The following TUT4 variants were observed in gnomAD, a reference collection of about 807,000 sequenced individuals.
TUT4 encodes terminal uridylyl transferase 4.
TUT4 carries 36 observed loss-of-function variants against 192.2 expected under a neutral mutation model. The observed-to-expected ratio is 0.19, with a 90% CI of 0.14 to 0.25. The LOEUF is 0.25. TUT4 is among the 10% of genes least tolerant of loss of function. TUT4 has a pLI of 1.00. For synonymous variants in TUT4, 618 were observed against 666.0 expected, an observed-to-expected ratio of 0.93 and a Z score of 1.11; for missense variants, 1,493 against 1,957.2, an observed-to-expected ratio of 0.76 and a Z score of 4.47.
At chr1:52,491,664 G>C (rs1040249307) in intron 7 of TUT4, among the ~76,000 whole-genome samples, 2 of 152,130 alleles carry the variant, frequency 1.3e-5, no homozygotes, top group African/African-American at 4.8e-5. Context: ...TCCCACTTCA[G>C]CCTGAGCGAG....
chr1:52,524,937 A>G (rs1321803630), intron 2 of TUT4, among the ~76,000 whole-genome samples: 2 of 152,202 alleles, frequency 1.3e-5, no homozygotes, highest in Non-Finnish European at 2.9e-5. Flanking sequence ...GCCGTTCTCA[A>G]CCTCAACTTT....
chr1:52,442,116 T>G (rs1428701422), intron 24 of TUT4, among the ~76,000 whole-genome samples: 1 of 144,774 alleles, frequency 6.9e-6, no homozygotes, highest in Admixed American at 6.8e-5. Context: ...TGCAGTGAGT[T>G]TTGATGGCAC....
chr1:52,439,068 T>TAAA (rs984014427), intron 24 of TUT4, among the ~76,000 whole-genome samples: 48 of 79,312 alleles, frequency 6.1e-4, no homozygotes, highest in African/African-American at 1.6e-3. Flanking sequence ...AGACTCCATC[T>TAAA]AAAAAAAAAA....
At chr1:52,462,716 A>G in intron 16 of TUT4, 1 of 983,876 alleles carries the variant, frequency 1.0e-6, no homozygotes, top group Non-Finnish European at 1.2e-6. Context: ...ATGGAAAAGA[A>G]AGATACTCCT....
intron 7 of TUT4, among the ~76,000 whole-genome samples, chr1:52,491,667 TGAGC>T (rs1167106265): frequency 6.6e-6 from 1 of 152,116 alleles, no homozygotes; most frequent in African/African-American, 2.4e-5. Flanking sequence ...CACTTCAGCC[TGAGC>T]GAGACTCCAT....
chr1:52,525,070 T>C (rs1298827653), intron 2 of TUT4, among the ~76,000 whole-genome samples: 1 of 152,260 alleles, frequency 6.6e-6, no homozygotes, highest in Non-Finnish European at 1.5e-5. Context: ...ATTAAGTTTT[T>C]GGCACTGAAA....
At chr1:52,542,009 C>G (rs927895612) in intron 1 of TUT4, among the ~76,000 whole-genome samples, 1 of 152,180 alleles carries the variant, frequency 6.6e-6, no homozygotes, top group African/African-American at 2.4e-5. Flanking sequence ...AACTACTACT[C>G]TGCCTTAAAA....
rs1349281712 is a variant in TUT4 at position 52,525,594 on chromosome 1, A to C, written c.687T>G (p.Ala229=). The change falls in exon 2 of 30, where the codon GCT becomes GCG. Residue 229 remains alanine (A), a synonymous_variant. Transcript: ENST00000257177. The stretch of plus-strand genomic sequence containing the variant: ...CGTCCGATACGTCTTCAATTCCTGA[A>C]GCACTATCATCAGAATCACCAGTAT... ...TDNTGDSDDS[A]SGIEDVSDDL... 2 of 1,610,998 alleles carry C rather than the reference A, an allele frequency of 1.2e-6. No individual in the cohort carries two copies. The highest frequency in any genetic ancestry group is 1.7e-6 in the Non-Finnish European group (2 of 1,178,674).
intron 13 of TUT4, among the ~76,000 whole-genome samples, chr1:52,473,879 T>C (rs1666422501): frequency 6.6e-6 from 1 of 152,192 alleles, no homozygotes; most frequent in Non-Finnish European, 1.5e-5. Context: ...GGTTTTTTCC[T>C]ATGATTTTAA....
chr1:52,424,111 G>A, intron 29 of TUT4, 109 bp from the exon 30 acceptor site: 1 of 1,124,196 alleles, frequency 8.9e-7, no homozygotes, highest in Non-Finnish European at 1.3e-6. Context: ...TATATAATAG[G>A]AGGTGATAAA....
At chr1:52,437,015 TAA>T in intron 25 of TUT4, 37 bp from the exon 26 acceptor site, 6 of 1,601,716 alleles carry the variant, frequency 3.7e-6, no homozygotes, top group Non-Finnish European at 4.3e-6. Context: ...ACTTGTAAAT[TAA>T]GTGAGTCACA....
intron 20 of TUT4, among the ~76,000 whole-genome samples, chr1:52,453,503 G>A (rs1386631595): frequency 6.7e-6 from 1 of 150,086 alleles, no homozygotes; most frequent in Non-Finnish European, 1.5e-5. Context: ...AAAAGCATTT[G>A]ACAAAATCCA....
intron 2 of TUT4, among the ~76,000 whole-genome samples, chr1:52,520,879 G>A (rs1178875461): frequency 2.0e-5 from 3 of 151,828 alleles, no homozygotes; most frequent in South Asian, 2.1e-4. Context: ...TGCAACCTCC[G>A]CCTCCCAGGT....
rs768808125 is a variant in TUT4, at chr1:52,436,880, AGGT to A, written c.4034_4036del (p.Asp1345_Leu1346delinsVal). On this transcript the variant is annotated inframe_deletion, in exon 26 of 30. Transcript: ENST00000257177. ...GTCTCTAAAGTCTCGAGTATCGTGG[AGGT>A]CTCGGGGGTCAAGAACATCTCGGGA... 1.2e-6 allele frequency: 2 copies of A among 1,613,776 alleles called. No individual in the cohort carries two copies. Among genetic ancestry groups the A allele is most frequent in the South Asian group, 2.2e-5 (2 of 91,038 alleles).
intron 9 of TUT4, 105 bp downstream of exon 9, chr1:52,488,804 T>G (rs1047179791): frequency 4.8e-5 from 58 of 1,209,952 alleles, no homozygotes; most frequent in Non-Finnish European, 5.9e-5. Flanking sequence ...CTCCCACATG[T>G]TATGATTGAT....
At chr1:52,470,665 T>C (rs1665499121) in intron 14 of TUT4, among the ~76,000 whole-genome samples, 1 of 152,134 alleles carries the variant, frequency 6.6e-6, no homozygotes, top group African/African-American at 2.4e-5. Context: ...ATACATTCTG[T>C]ATAATTCCAC....
At chr1:52,528,196 T>A (rs1185604002) in intron 1 of TUT4, among the ~76,000 whole-genome samples, 31 of 147,528 alleles carry the variant, frequency 2.1e-4, no homozygotes, top group African/African-American at 7.0e-4. Flanking sequence ...ATAATAATAA[T>A]AATAATAATA....
intron 3 of TUT4, among the ~76,000 whole-genome samples, chr1:52,513,105 A>G (rs988750102): frequency 1.3e-5 from 2 of 151,260 alleles, no homozygotes; most frequent in Admixed American, 1.3e-4. Context: ...CCTGGGAGAC[A>G]GAATGAGACC....
chr1:52,500,693 C>T (rs1186344656), intron 4 of TUT4, among the ~76,000 whole-genome samples: 4 of 151,998 alleles, frequency 2.6e-5, no homozygotes, highest in Non-Finnish European at 4.4e-5. Context: ...ACTCAGGAGG[C>T]GGAGGTTGCA....
Sources: allele counts gnomAD v4.1 joint callset (sites outside exome capture counted in the v4.1 genomes callset), GRCh38; gene constraint gnomAD v4.1.1; transcripts MANE v1.5; gene names NCBI Gene and HGNC (gene_info 2026-07-23, HGNC 2026-07-21).